The following MRAP2 variants were observed in gnomAD, a reference collection of about 807,000 sequenced individuals.
MRAP2 encodes the protein melanocortin-2 receptor accessory protein 2.
Under a neutral mutation model 17.4 loss-of-function variants are expected in MRAP2, and 20 were observed. The observed-to-expected ratio is 1.15, with a 90% CI of 0.81 to 1.67. MRAP2 has a LOEUF of 1.67. Ranked by LOEUF, MRAP2 falls within the 40% of genes most tolerant of loss-of-function variation. The probability of loss-of-function intolerance (pLI) is 0.00; values close to 1 mark genes in which losing one functional copy is unlikely to be tolerated. For synonymous variants in MRAP2, 96 were observed against 88.4 expected (o/e 1.09, Z -0.48); for missense variants, 238 against 240.0 (o/e 0.99, Z 0.05).
the MRAP2 span, among the ~76,000 whole-genome samples, chr6:84,103,014 T>C: frequency 2.0e-5 from 3 of 152,222 alleles, no homozygotes; most frequent in Non-Finnish European, 4.4e-5. Context: ...CAGACAAATA[T>C]ATACATTATC....
At chr6:84,141,172 C>T in the MRAP2 span, among the ~76,000 whole-genome samples, 1 of 152,044 alleles carries the variant, frequency 6.6e-6, no homozygotes, top group Non-Finnish European at 1.5e-5. Context: ...TGGTTTGTGG[C>T]CCAGGGTTGG....
At chr6:84,069,519 A>C (rs974460121) in intron 3 of MRAP2, among the ~76,000 whole-genome samples, 1 of 152,166 alleles carries the variant, frequency 6.6e-6, no homozygotes, top group African/African-American at 2.4e-5. Context: ...GGATTTTAGC[A>C]TCTATGTTCA....
At chr6:84,136,863 T>C in the MRAP2 span, among the ~76,000 whole-genome samples, 11 of 152,232 alleles carry the variant, frequency 7.2e-5, no homozygotes, top group Non-Finnish European at 1.2e-4. Flanking sequence ...ATCACTTTTC[T>C]GTGTCTGTTC....
At chr6:84,133,313 C>T in the MRAP2 span, among the ~76,000 whole-genome samples, 1 of 152,312 alleles carries the variant, frequency 6.6e-6, no homozygotes, top group South Asian at 2.1e-4. Flanking sequence ...GTGTCAGGGA[C>T]CCACTTGAGG....
At chr6:84,130,752 T>C in the MRAP2 span, among the ~76,000 whole-genome samples, 1 of 152,092 alleles carries the variant, frequency 6.6e-6, no homozygotes, top group East Asian at 1.9e-4. Context: ...CTCTCTTCTC[T>C]TCTTTATTAA....
Position 84,038,675 on chromosome 6 carries a change from TG to T in MRAP2, c.-8+4793del, listed in dbSNP as rs557967397. On this transcript the variant is annotated intron_variant, in intron 1 of 3. Coordinates refer to ENST00000257776, the MANE Select transcript of MRAP2 (RefSeq NM_138409.4). ...CCCAGCTAATTAAAAAAACTTTTTT[TG>T]TAGAGACGTGGTTTTGCTATGTTGC... is the stretch of plus-strand genomic sequence containing the variant. 6.2e-3 allele frequency among the ~76,000 whole-genome samples: 944 copies of T among 152,096 alleles called. 13 individuals are homozygous for T. The highest frequency in any genetic ancestry group is 0.022 in the African/African-American group (916 of 41,470).
intron 2 of MRAP2, among the ~76,000 whole-genome samples, chr6:84,059,568 T>A (rs1195393085): frequency 6.6e-6 from 1 of 152,182 alleles, no homozygotes; most frequent in Non-Finnish European, 1.5e-5. Flanking sequence ...TACCCTAGAT[T>A]GGGAAGGAAA....
intron 1 of MRAP2, among the ~76,000 whole-genome samples, chr6:84,052,017 T>C (rs2099490552): frequency 6.6e-6 from 1 of 152,246 alleles, no homozygotes; most frequent in South Asian, 2.1e-4. Context: ...GTCCTAATCT[T>C]CATTTTTGCT....
chr6:84,094,237 A>G (rs1019656845), downstream of MRAP2, among the ~76,000 whole-genome samples: 2 of 152,144 alleles, frequency 1.3e-5, no homozygotes, highest in Non-Finnish European at 2.9e-5. Context: ...TTCTTTTGAG[A>G]CAATAGCAAA....
the MRAP2 span, among the ~76,000 whole-genome samples, chr6:84,104,611 G>A: frequency 6.6e-6 from 1 of 152,202 alleles, no homozygotes; most frequent in Non-Finnish European, 1.5e-5. Flanking sequence ...GCTCACGCCT[G>A]TAATCCCAGC....
At chr6:84,075,666 A>C (rs1457136811) in intron 3 of MRAP2, among the ~76,000 whole-genome samples, 3 of 152,178 alleles carry the variant, frequency 2.0e-5, no homozygotes, top group Non-Finnish European at 4.4e-5. Context: ...TTCTTGAAAA[A>C]TTATCAAACC....
intron 3 of MRAP2, among the ~76,000 whole-genome samples, chr6:84,084,855 ATTTC>A (rs2099499884): frequency 2.2e-5 from 3 of 136,182 alleles, no homozygotes; most frequent in South Asian, 2.3e-4. Context: ...ATCTCATTTC[ATTTC>A]TTTATTTTAT....
intron 1 of MRAP2, among the ~76,000 whole-genome samples, chr6:84,034,790 A>G (rs1269310602): frequency 6.6e-6 from 1 of 151,816 alleles, no homozygotes; most frequent in African/African-American, 2.4e-5. Flanking sequence ...AGTAAACAGT[A>G]GTATTTTCAG....
At chr6:84,110,087 C>T in the MRAP2 span, among the ~76,000 whole-genome samples, 1 of 152,138 alleles carries the variant, frequency 6.6e-6, no homozygotes, top group Non-Finnish European at 1.5e-5. Flanking sequence ...TTCATAGTAG[C>T]ATGATTTATA....
At chr6:84,127,210 A>T in the MRAP2 span, among the ~76,000 whole-genome samples, 2 of 152,306 alleles carry the variant, frequency 1.3e-5, no homozygotes, top group African/African-American at 4.8e-5. Flanking sequence ...AATTCCAACA[A>T]GAATCAGATT....
chr6:84,084,218 A>G (rs1339738569), intron 3 of MRAP2, among the ~76,000 whole-genome samples: 1 of 152,182 alleles, frequency 6.6e-6, no homozygotes, highest in Non-Finnish European at 1.5e-5. Flanking sequence ...TAACAAATCT[A>G]TCTTTTGTTT....
At chr6:84,067,759 G>C (rs185747364) in intron 3 of MRAP2, among the ~76,000 whole-genome samples, 1,512 of 115,138 alleles carry the variant, frequency 0.013, 11 homozygotes, top group Non-Finnish European at 0.018. Context: ...TTACTGATTT[G>C]TTTGAGTTCG....
At chr6:84,136,045 G>A in the MRAP2 span, among the ~76,000 whole-genome samples, 1 of 152,294 alleles carries the variant, frequency 6.6e-6, no homozygotes, top group South Asian at 2.1e-4. Context: ...AGGAGATCCT[G>A]GGCACTGTGT....
At chr6:84,060,058 G>T (rs1448527087) in intron 2 of MRAP2, among the ~76,000 whole-genome samples, 1 of 152,204 alleles carries the variant, frequency 6.6e-6, no homozygotes, top group Non-Finnish European at 1.5e-5. Context: ...AGAAGATGAG[G>T]TTGGGGGAAA....
Sources: gnomAD v4.1 joint callset for allele counts (sites outside exome capture counted in the v4.1 genomes callset) on GRCh38, gnomAD v4.1.1 for gene constraint, MANE v1.5 for transcripts, NCBI Gene and HGNC (gene_info 2026-07-23, HGNC 2026-07-21) for gene names.